The following AP3M1 variants were observed in gnomAD, a reference collection of about 807,000 sequenced individuals.
The protein encoded by AP3M1 is AP-3 complex subunit mu-1.
AP3M1 carries 29 observed loss-of-function variants against 42.6 expected under a neutral mutation model. The observed-to-expected ratio is 0.68, with a 90% CI of 0.51 to 0.93. AP3M1 has a LOEUF of 0.93. Ranked by LOEUF, AP3M1 falls within the 40% of genes least tolerant of loss-of-function variation. The pLI, the probability that AP3M1 is intolerant of heterozygous loss-of-function variation, is 0.00. For missense variants in AP3M1, 416 were observed against 510.2 expected (o/e 0.82, Z 1.78); for synonymous variants, 178 against 175.3 (o/e 1.02, Z -0.12).
intron 3 of AP3M1, among the ~76,000 whole-genome samples, chr10:74,134,603 A>G (rs1840887129): frequency 6.6e-6 from 1 of 152,228 alleles, no homozygotes; most frequent in South Asian, 2.1e-4. Context: ...GCCTCAGTGG[A>G]GTAAATGGAA....
chr10:74,134,187 G>C lies in AP3M1; in HGVS notation c.446-23C>G, dbSNP rs775688981. ...TGCCTAGAAACCAAAAAAGGAGAAG[G>C]CAAAGCTGATGTATAAAACAGTCAT... On this transcript the variant is annotated intron_variant, in intron 3 of 8. Coordinates refer to ENST00000355264, the MANE Select transcript of AP3M1 (RefSeq NM_012095.6). 15 of 1,606,978 alleles carry C rather than the reference G, an allele frequency of 9.3e-6. No homozygotes were observed. In the South Asian group the frequency reaches 1.4e-4, roughly 15 times the overall value.
At chr10:74,145,089 C>T (rs751370814) in intron 1 of AP3M1, among the ~76,000 whole-genome samples, 5 of 152,098 alleles carry the variant, frequency 3.3e-5, no homozygotes, top group South Asian at 4.1e-4. Context: ...TTAAAAGCAC[C>T]GACACAGGTT....
At position 74,148,148 on chromosome 10, in the gene AP3M1, G is replaced by A. The variant is rs180920102; in HGVS notation, c.-4+2607C>T. ...TAGCTGTGAAGAGGATGAAAAGACAGGAAAATAAATGCAGCAGTTCATAAA... is the reference window on the plus strand; with the variant it reads ...TAGCTGTGAAGAGGATGAAAAGACAAGAAAATAAATGCAGCAGTTCATAAA... On this transcript the variant is annotated intron_variant, in intron 1 of 8. Transcript: ENST00000355264. 2.9e-3 allele frequency among the ~76,000 whole-genome samples: 447 copies of A among 152,148 alleles called. 1 individual carries two copies. Among genetic ancestry groups the A allele is most frequent in the Non-Finnish European group, 5.5e-3 (376 of 68,010 alleles).
At chr10:74,126,451 T>C (rs1591737028) in intron 6 of AP3M1, 96 bp from the exon 7 acceptor site, 1 of 907,476 alleles carries the variant, frequency 1.1e-6, no homozygotes, top group Non-Finnish European at 1.7e-6. Context: ...GTCCAGAGTA[T>C]CCTACCCTGC....
intron 4 of AP3M1, among the ~76,000 whole-genome samples, 199 bp downstream of exon 4, chr10:74,133,828 G>C (rs1218716791): frequency 6.6e-6 from 1 of 151,776 alleles, no homozygotes; most frequent in Non-Finnish European, 1.5e-5. Context: ...CTAATTTTTT[G>C]TATCTTTAGT....
At chr10:74,140,423 T>C (rs1213769505) in intron 1 of AP3M1, among the ~76,000 whole-genome samples, 1 of 152,234 alleles carries the variant, frequency 6.6e-6, no homozygotes, top group African/African-American at 2.4e-5. Context: ...CCTTTACTTT[T>C]GGAAAAGCTT....
chr10:74,123,913 G>GT lies in AP3M1; in HGVS notation c.1157-4dup. 1.2e-6 allele frequency: 2 copies of GT among 1,607,778 alleles called. No homozygotes were observed. Among genetic ancestry groups the GT allele is most frequent in the Non-Finnish European group, 1.7e-6 (2 of 1,174,590 alleles). ...GTCCAAACGGTTTACTTTTAAGCCT[G>GT]TATCAAAAAGAATGAAAAAGAATAA... On this transcript the variant is annotated splice_region_variant and splice_polypyrimidine_tract_variant and intron_variant, in intron 8 of 8. Transcript: ENST00000355264.
intron 5 of AP3M1, 81 bp downstream of exon 5, chr10:74,129,826 A>T: frequency 1.0e-6 from 1 of 971,174 alleles, no homozygotes. Flanking sequence ...ATGCAAACTT[A>T]TCTCAATATT....
chr10:74,144,258 G>A (rs893904891), intron 1 of AP3M1, among the ~76,000 whole-genome samples: 1 of 152,074 alleles, frequency 6.6e-6, no homozygotes, highest in Admixed American at 6.6e-5. Flanking sequence ...ACCATGCCCG[G>A]CTTTTTTATT....
At position 74,126,970 on chromosome 10, in the gene AP3M1, CAAAAAAAAAAAAAA is replaced by C. The variant is rs58110411; in HGVS notation, c.804-629_804-616del. Among the ~76,000 whole-genome samples, 4 of 32,344 alleles carry C rather than the reference CAAAAAAAAAAAAAA, an allele frequency of 1.2e-4. No homozygotes were observed. In the East Asian group the frequency reaches 4.9e-3, roughly 39 times the overall value. 21.2% of individuals were successfully genotyped at this position (32,344 alleles called of 152,430 possible). On this transcript the variant is annotated intron_variant, in intron 6 of 8. Transcript: ENST00000355264. Reference sequence around the variant, plus strand: ...TGGGCAAAGGAGCGAGACGCCATCTCAAAAAAAAAAAAAAAAAAAAAAAAAAAAAAAGTAAAAAA... The same window carrying C: ...TGGGCAAAGGAGCGAGACGCCATCTCAAAAAAAAAAAAAAAAAGTAAAAAA...
chr10:74,140,256 G>A (rs571468028), intron 1 of AP3M1, among the ~76,000 whole-genome samples: 2 of 152,310 alleles, frequency 1.3e-5, no homozygotes, highest in South Asian at 2.1e-4. Context: ...GCAGGCGGCC[G>A]TGCGCCCAAG....
intron 4 of AP3M1, among the ~76,000 whole-genome samples, chr10:74,130,494 T>G (rs1331673070): frequency 6.6e-6 from 1 of 151,448 alleles, no homozygotes; most frequent in African/African-American, 2.4e-5. Flanking sequence ...TCACCCAGGC[T>G]GGAGCGTAGT....
rs1483732647 is a variant in AP3M1, at chr10:74,120,464, GACC to G, written c.*3343_*3345del. On this transcript the variant is annotated 3_prime_UTR_variant, in exon 9 of 9. Transcript: ENST00000355264. Reference sequence around the variant, plus strand: ...TTAGAAGATTCTAGCTATCTGTGGAGACCACCACTGTTCCCCGAAAAGCTAAAG... The same window carrying G: ...TTAGAAGATTCTAGCTATCTGTGGAGACCACTGTTCCCCGAAAAGCTAAAG... 2.0e-5 allele frequency: 3 copies of G among 152,190 alleles called. No individual in the cohort carries two copies. Among genetic ancestry groups the G allele is most frequent in the Non-Finnish European group, 2.9e-5 (2 of 68,052 alleles). 9.4% of individuals were successfully genotyped at this position (152,190 alleles called of 1,614,324 possible).
chr10:74,135,134 T>C (rs1840903681), intron 3 of AP3M1, among the ~76,000 whole-genome samples: 1 of 152,238 alleles, frequency 6.6e-6, no homozygotes, highest in African/African-American at 2.4e-5. Flanking sequence ...AAACGTTCAA[T>C]GTTTGCTCAC....
chr10:74,142,406 C>A (rs1564554313), intron 1 of AP3M1, among the ~76,000 whole-genome samples: 1 of 152,168 alleles, frequency 6.6e-6, no homozygotes, highest in South Asian at 2.1e-4. Context: ...TCAACCCTTT[C>A]TTTTATGAAA....
At chr10:74,135,834 G>A (rs1340755667) in intron 3 of AP3M1, among the ~76,000 whole-genome samples, 1 of 152,010 alleles carries the variant, frequency 6.6e-6, no homozygotes, top group Admixed American at 6.6e-5. Context: ...CCTAACATTC[G>A]TCCTTACACA....
intron 1 of AP3M1, among the ~76,000 whole-genome samples, chr10:74,148,553 A>T (rs958705993): frequency 6.6e-6 from 1 of 151,408 alleles, no homozygotes; most frequent in Admixed American, 6.6e-5. Flanking sequence ...GTGTATATGT[A>T]TTTTTTTTTA....
chr10:74,124,326 A>G (rs1417492516), intron 8 of AP3M1, 54 bp downstream of exon 8: 1 of 1,558,560 alleles, frequency 6.4e-7, no homozygotes, highest in Non-Finnish European at 8.6e-7. Flanking sequence ...AATGCCTAAT[A>G]AATGAGCTTG....
In AP3M1 at chr10:74,129,147, C is replaced by A; in HGVS notation, c.764G>T (p.Gly255Val). The A allele has an allele frequency of 6.2e-7, 1 of 1,614,102 alleles. No individual in the cohort carries two copies. The highest frequency in any genetic ancestry group is 8.5e-7 in the Non-Finnish European group (1 of 1,180,008). The change falls in exon 6 of 9, where the codon GGA (glycine) becomes GTA (valine). Residue 255 changes from glycine to valine, a missense_variant. Physicochemically the swap from Gly to Val is moderately radical, Grantham distance 109 (BLOSUM62 -3). Transcript: ENST00000355264. ...ERVLSFIPPD[G>V]NFRLISYRVS... ...ACGGTATGATATGAGTCGGAAATTT[C>A]CATCTGGAGGAATAAATGACAAAAC... is the stretch of plus-strand genomic sequence containing the variant.
Sources: gnomAD v4.1 joint callset for allele counts (sites outside exome capture counted in the v4.1 genomes callset) on GRCh38, gnomAD v4.1.1 for gene constraint, MANE v1.5 for transcripts, NCBI Gene and HGNC (gene_info 2026-07-23, HGNC 2026-07-21) for gene names.